The following C3orf49 variants were observed in gnomAD, a reference collection of about 807,000 sequenced individuals.
C3orf49 encodes the protein chromosome 3 open reading frame 49.
C3orf49 carries 27 observed loss-of-function variants against 13.3 expected under a neutral mutation model. The ratio of observed to expected loss-of-function variants is 2.02; its 90% CI spans 1.49 to 2.79. C3orf49 has a LOEUF of 2.79. C3orf49 is among the 30% of genes most tolerant of loss of function. C3orf49 has a pLI of 0.00. For missense variants in C3orf49, 242 were observed against 134.2 expected (o/e 1.80, Z -3.97); for synonymous variants, 87 against 47.6 (o/e 1.83, Z -3.40).
the C3orf49 span, among the ~76,000 whole-genome samples, chr3:63,804,045 A>C: frequency 6.6e-6 from 1 of 151,992 alleles, no homozygotes; most frequent in East Asian, 1.9e-4. Context: ...AATAGGGTTC[A>C]CGCTCCTATG....
At chr3:63,836,243 G>C in intron 5 of C3orf49, 1 of 1,533,824 alleles carries the variant, frequency 6.5e-7, no homozygotes, top group Non-Finnish European at 8.9e-7. Flanking sequence ...GCCTACGGTA[G>C]TTTTCGAGCA....
chr3:63,840,668 C>T (rs1443434833), intron 5 of C3orf49, among the ~76,000 whole-genome samples: 1 of 152,186 alleles, frequency 6.6e-6, no homozygotes, highest in Non-Finnish European at 1.5e-5. Context: ...ATCTGTCTGC[C>T]TGGCAGTCCT....
the C3orf49 span, among the ~76,000 whole-genome samples, chr3:63,789,769 C>G: frequency 2.0e-5 from 3 of 148,338 alleles, no homozygotes; most frequent in Admixed American, 2.0e-4. Flanking sequence ...CAAGATGGCG[C>G]CACCGCACTC....
the C3orf49 span, chr3:63,779,763 C>A: frequency 6.6e-6 from 1 of 152,250 alleles, no homozygotes; most frequent in South Asian, 2.1e-4. Flanking sequence ...ATATAAAGAT[C>A]AACAGAAGAC....
the C3orf49 span, among the ~76,000 whole-genome samples, chr3:63,785,523 C>G: frequency 2.0e-5 from 3 of 152,080 alleles, no homozygotes; most frequent in East Asian, 5.8e-4. Flanking sequence ...CACATTGATG[C>G]AGAACATATG....
At position 63,834,349 on chromosome 3, in the gene C3orf49, T is replaced by C. The variant is rs561126358; in HGVS notation, c.849+2505T>C. On this transcript the variant is annotated intron_variant, in intron 5 of 6. Coordinates refer to ENST00000295896, the MANE Select transcript of C3orf49 (RefSeq NM_001355236.2). ...GAATCAAACTTTAAAATTTATGTGA[T>C]AGACTTCACTTAAAAAAAAAAAAAT... 259 of 747,466 alleles carry C rather than the reference T, an allele frequency of 3.5e-4. 2 individuals carry two copies. The South Asian group carries it at 4.5e-3, about 13-fold the overall frequency. 46.3% of individuals were successfully genotyped at this position (747,466 alleles called of 1,614,324 possible).
the C3orf49 span, among the ~76,000 whole-genome samples, chr3:63,807,430 G>A: frequency 6.6e-6 from 1 of 152,078 alleles, no homozygotes; most frequent in South Asian, 2.1e-4. Flanking sequence ...GTGGTTTTAT[G>A]TTATACAGCT....
At chr3:63,808,202 T>C in the C3orf49 span, among the ~76,000 whole-genome samples, 1 of 152,226 alleles carries the variant, frequency 6.6e-6, no homozygotes, top group East Asian at 1.9e-4. Flanking sequence ...CTCATTGTTA[T>C]TTAAGAGATA....
At chr3:63,829,718 T>C (rs1701508753) in intron 3 of C3orf49, among the ~76,000 whole-genome samples, 1 of 152,022 alleles carries the variant, frequency 6.6e-6, no homozygotes, top group Non-Finnish European at 1.5e-5. Context: ...CCTGGCACTT[T>C]GGGAGGCTGG....
chr3:63,841,529 G>A (rs190698719), intron 5 of C3orf49, among the ~76,000 whole-genome samples: 10 of 152,248 alleles, frequency 6.6e-5, no homozygotes, highest in Admixed American at 2.0e-4. Flanking sequence ...CAGGTGCAGC[G>A]GAGATAAACT....
chr3:63,847,363 T>C (rs999530087), intron 6 of C3orf49, among the ~76,000 whole-genome samples: 2 of 152,220 alleles, frequency 1.3e-5, no homozygotes, highest in African/African-American at 4.8e-5. Flanking sequence ...TTAATTGTTT[T>C]GGTTCTAATG....
chr3:63,848,228 A>G (rs1217065318), intron 6 of C3orf49, 136 bp from the exon 7 acceptor site: 3 of 152,082 alleles, frequency 2.0e-5, no homozygotes, highest in African/African-American at 7.2e-5. Context: ...AGAGTCTGGC[A>G]CCTTTTTAAG....
At chr3:63,803,137 C>T in the C3orf49 span, among the ~76,000 whole-genome samples, 1 of 152,166 alleles carries the variant, frequency 6.6e-6, no homozygotes, top group African/African-American at 2.4e-5. Context: ...TTTACAATAG[C>T]AAATTAAGCT....
intron 5 of C3orf49, chr3:63,834,230 G>T: frequency 6.2e-7 from 1 of 1,608,028 alleles, no homozygotes; most frequent in Non-Finnish European, 8.5e-7. Flanking sequence ...TAAAACCTTA[G>T]TCAAGTTTGC....
At chr3:63,787,485 A>G in the C3orf49 span, among the ~76,000 whole-genome samples, 2 of 152,114 alleles carry the variant, frequency 1.3e-5, no homozygotes, top group South Asian at 2.1e-4. Flanking sequence ...AGCAATGCAC[A>G]TGGGGAAGCT....
intron 5 of C3orf49, chr3:63,838,454 T>G: frequency 6.2e-7 from 1 of 1,610,564 alleles, no homozygotes; most frequent in African/African-American, 1.3e-5. Context: ...CCATTGAAAA[T>G]TCACATTGAG....
chr3:63,789,483 A>T, the C3orf49 span, among the ~76,000 whole-genome samples: 1 of 152,184 alleles, frequency 6.6e-6, no homozygotes, highest in African/African-American at 2.4e-5. Flanking sequence ...TATGTAGAGT[A>T]GAATATCACT....
chr3:63,820,204 G>A (rs980979589), intron 1 of C3orf49, among the ~76,000 whole-genome samples: 3 of 152,032 alleles, frequency 2.0e-5, no homozygotes, highest in Non-Finnish European at 4.4e-5. Context: ...AGGTCCATGG[G>A]CTATAGTTCA....
intron 5 of C3orf49, among the ~76,000 whole-genome samples, chr3:63,837,311 A>C (rs1701655750): frequency 6.6e-6 from 1 of 150,900 alleles, no homozygotes; most frequent in Non-Finnish European, 1.5e-5. Context: ...TTTTCATATC[A>C]ATGTAACAGT....
Sources: gnomAD v4.1 joint callset for allele counts (sites outside exome capture counted in the v4.1 genomes callset) on GRCh38, gnomAD v4.1.1 for gene constraint, MANE v1.5 for transcripts, NCBI Gene and HGNC (gene_info 2026-07-23, HGNC 2026-07-21) for gene names.